MUC22: variants seen among roughly 807,000 people sequenced by gnomAD.
MUC22 encodes the protein mucin-22.
In MUC22, 24 loss-of-function variants were observed where a neutral mutation model predicts 40.3. That is an observed-to-expected ratio of 0.60 (90% CI 0.43 to 0.84). The LOEUF (loss-of-function observed/expected upper bound fraction) is 0.84. Ranked by LOEUF, MUC22 falls within the 40% of genes least tolerant of loss-of-function variation. MUC22 has a pLI of 0.00. For missense variants in MUC22, 1,926 were observed against 2,130.7 expected (o/e 0.90, Z 1.89); for synonymous variants, 765 against 844.5 (o/e 0.91, Z 1.63).
At chr6:31,030,600 C>T (rs1406249431) in intron 2 of MUC22, among the ~76,000 whole-genome samples, 1 of 151,754 alleles carries the variant, frequency 6.6e-6, no homozygotes, top group South Asian at 2.1e-4. Context: ...GTGCCCACCA[C>T]TTCCATTGCA....
intron 1 of MUC22, among the ~76,000 whole-genome samples, chr6:31,020,765 G>A (rs1409693956): frequency 6.6e-6 from 1 of 152,090 alleles, no homozygotes; most frequent in Non-Finnish European, 1.5e-5. Context: ...GGCGCTTGCG[G>A]GCCAGCTGCA....
Position 31,010,522 on chromosome 6 carries a change from C to T in MUC22, c.-185C>T, listed in dbSNP as rs887605780. 18 of 558,482 alleles carry T rather than the reference C, an allele frequency of 3.2e-5. 1 individual carries two copies. Among genetic ancestry groups the T allele is most frequent in the African/African-American group, 3.0e-4 (16 of 53,214 alleles). 34.6% of individuals were successfully genotyped at this position (558,482 alleles called of 1,614,324 possible). A position where few individuals can be genotyped will look rare whatever the true frequency, so the allele number is the denominator to read the frequency against. ...CAAACTGTGGAGCAATTTGGGGGCT[C>T]CCCCCAACCATGCCATCTGCCTACA... is the stretch of plus-strand genomic sequence containing the variant. On this transcript the variant is annotated 5_prime_UTR_variant, in exon 1 of 4. Transcript: ENST00000561890.
rs549216707 is a variant in MUC22 at position 31,023,085 on chromosome 6, C to T, written c.71-2417C>T. Among the ~76,000 whole-genome samples the T allele has an allele frequency of 5.3e-5, 8 of 151,666 alleles. No individual in the cohort carries two copies. The South Asian group carries it at 1.5e-3, about 28-fold the overall frequency. ...GTGGAATTGGCAGTGAGCTGAGATC[C>T]CATCACTGCACTCCAGCCTGAGTGA... On this transcript the variant is annotated intron_variant, in intron 1 of 3. Transcript: ENST00000561890.
chr6:31,021,026 G>T (rs571771216), intron 1 of MUC22, among the ~76,000 whole-genome samples: 1 of 103,330 alleles, frequency 9.7e-6, no homozygotes, highest in Non-Finnish European at 2.2e-5. Flanking sequence ...GCTTCTGTGC[G>T]GCCGGAGCCT....
At chr6:31,034,312 G>A (rs1766287477) in intron 3 of MUC22, among the ~76,000 whole-genome samples, 1 of 152,242 alleles carries the variant, frequency 6.6e-6, no homozygotes, top group Admixed American at 6.5e-5. Flanking sequence ...CTAACAAAGA[G>A]AAAGACTGTC....
Position 31,026,449 on chromosome 6 carries a change from G to C in MUC22, c.1018G>C (p.Ala340Pro). Residue 340 changes from alanine to proline, a missense_variant, in exon 2 of 4, where the codon GCT becomes CCT. By Grantham distance (27) the Ala-to-Pro change is conservative (BLOSUM62 -1). This residue lies in a region of MUC22 where 1,281 missense variants were observed against 1,337.8 expected (regional missense o/e 0.96). Transcript: ENST00000561890. ...TAGTGCAGGCTCTGGGACCACCACA[G>C]CTTCTATGGCAGGCTCTGAGACCAC... The C allele has an allele frequency of 1.3e-6, 2 of 1,506,660 alleles. 1 individual carries two copies. Among genetic ancestry groups the C allele is most frequent in the African/African-American group, 2.8e-5 (2 of 71,780 alleles). 93.3% of individuals were successfully genotyped at this position (1,506,660 alleles called of 1,614,324 possible).
At chr6:31,006,450 G>A (rs1763527216), upstream of MUC22, among the ~76,000 whole-genome samples, 1 of 152,212 alleles carries the variant, frequency 6.6e-6, no homozygotes, top group African/African-American at 2.4e-5. Flanking sequence ...GTGGAGCACA[G>A]AGGATTCTTA....
chr6:31,006,614 C>T (rs17189910), upstream of MUC22, among the ~76,000 whole-genome samples: 5,568 of 152,216 alleles, frequency 0.037, 238 homozygotes, highest in African/African-American at 0.1. Context: ...GACCTCTGTA[C>T]TTACCACTTA....
chr6:31,019,112 A>G (rs912014774), intron 1 of MUC22, among the ~76,000 whole-genome samples: 9 of 152,242 alleles, frequency 5.9e-5, no homozygotes, highest in African/African-American at 2.2e-4. Flanking sequence ...TCTAATGGGC[A>G]CAAAAAGTTC....
Position 31,032,122 on chromosome 6 carries a change from C to T in MUC22, c.4670-74C>T. 1.4e-6 allele frequency: 2 copies of T among 1,449,652 alleles called. No individual in the cohort carries two copies. Among genetic ancestry groups the T allele is most frequent in the Non-Finnish European group, 1.8e-6 (2 of 1,096,318 alleles). The allele number at this position is 1,449,652 out of a possible 1,614,324, so 89.8% of individuals were successfully genotyped here. A position where few individuals can be genotyped will look rare whatever the true frequency, so the allele number is the denominator to read the frequency against. Reference sequence around the variant, plus strand: ...ATAGGTTTGTTAGATTCACCCTCCTCTGGTCTAAGCACCCCCATTCCCCTT... The same window carrying T: ...ATAGGTTTGTTAGATTCACCCTCCTTTGGTCTAAGCACCCCCATTCCCCTT... On this transcript the variant is annotated intron_variant, in intron 2 of 3. Transcript: ENST00000561890. This position sits in a 1 kb window ranked among gnomAD's most constrained non-coding sequence, Gnocchi z 4.1.
exon 2 of MUC22, chr6:31,025,953 G>A (rs1181065884): frequency 6.5e-7 from 1 of 1,532,700 alleles, no homozygotes; most frequent in Admixed American, 2.0e-5. Flanking sequence ...TAATTTCTGA[G>A]ACCACCATGG....
chr6:31,029,996 C>A (rs1480681300), exon 2 of MUC22: 1 of 1,535,784 alleles, frequency 6.5e-7, no homozygotes, highest in Non-Finnish European at 8.7e-7. Flanking sequence ...TCTATCACAG[C>A]TTCTGGGGCC....
exon 2 of MUC22, chr6:31,028,627 A>G: frequency 6.5e-7 from 1 of 1,534,806 alleles, no homozygotes; most frequent in Non-Finnish European, 8.7e-7. Flanking sequence ...TGAGACCACC[A>G]TAGCCTCTAC....
chr6:31,030,891 T>C (rs960085593), intron 2 of MUC22, among the ~76,000 whole-genome samples: 1 of 152,236 alleles, frequency 6.6e-6, no homozygotes, highest in African/African-American at 2.4e-5. Context: ...CCCATTCATT[T>C]ATGGTTTGTC....
At chr6:31,016,253 G>A (rs914556366) in intron 1 of MUC22, among the ~76,000 whole-genome samples, 6 of 151,206 alleles carry the variant, frequency 4.0e-5, no homozygotes, top group Non-Finnish European at 8.8e-5. Context: ...TATTTGTTTT[G>A]GTCTCTATAT....
upstream of MUC22, among the ~76,000 whole-genome samples, chr6:31,008,332 T>C (rs1009098083): frequency 2.0e-5 from 3 of 152,160 alleles, no homozygotes; most frequent in Non-Finnish European, 2.9e-5. Flanking sequence ...AGTGACCAGA[T>C]GGAACGAGAG....
chr6:31,026,574 T>C (rs924412741), exon 2 of MUC22: 1 of 1,496,712 alleles, frequency 6.7e-7, no homozygotes, highest in Non-Finnish European at 8.9e-7. Context: ...CAAACTCTAC[T>C]ACAAGCTCTG....
intron 1 of MUC22, among the ~76,000 whole-genome samples, chr6:31,020,980 A>T (rs942734576): frequency 1.3e-5 from 2 of 152,216 alleles, no homozygotes; most frequent in Admixed American, 1.3e-4. Flanking sequence ...GGGGACCTGC[A>T]GCCCGCCATG....
At chr6:31,031,823 G>A (rs1474919908) in intron 2 of MUC22, among the ~76,000 whole-genome samples, 1 of 140,476 alleles carries the variant, frequency 7.1e-6, no homozygotes, top group African/African-American at 2.8e-5. Context: ...TCTCATCCAG[G>A]TCACTGCAAA....
Sources: allele counts gnomAD v4.1 joint callset (sites outside exome capture counted in the v4.1 genomes callset), GRCh38; gene constraint gnomAD v4.1.1; regional missense constraint gnomAD v4.1.1; non-coding constraint Gnocchi (gnomAD v3.1); transcripts MANE v1.5; gene names NCBI Gene and HGNC (gene_info 2026-07-23, HGNC 2026-07-21).